The following GBP4 variants were observed in gnomAD, a reference collection of about 807,000 sequenced individuals.
GBP4 encodes guanylate-binding protein 4.
A neutral mutation model predicts 62.2 loss-of-function variants in GBP4; 69 were observed. The observed-to-expected ratio is 1.11, with a 90% CI of 0.91 to 1.36. GBP4 has a LOEUF of 1.36. Among genes scored for constraint, GBP4 ranks in the 40% most tolerant of loss-of-function variants. The pLI is 0.00. For missense variants in GBP4, 697 were observed against 759.3 expected (o/e 0.92, Z 0.96); for synonymous variants, 278 against 274.6 (o/e 1.01, Z -0.12).
intron 5 of GBP4, 61 bp downstream of exon 5, chr1:89,192,843 C>G (rs1648223712): frequency 2.0e-6 from 3 of 1,480,650 alleles, no homozygotes; most frequent in Non-Finnish European, 2.8e-6. Flanking sequence ...TGCTGAATAG[C>G]AGGTCTTAGT....
In GBP4 at chr1:89,187,162, C is replaced by T. The variant is rs149450766; in HGVS notation, c.1411-60G>A. 75 of 1,331,864 alleles carry T rather than the reference C, an allele frequency of 5.6e-5. No individual in the cohort carries two copies. In the East Asian group the frequency reaches 5.8e-4, roughly 10 times the overall value. The allele number at this position is 1,331,864 out of a possible 1,614,324, so 82.5% of individuals were successfully genotyped here. On this transcript the variant is annotated intron_variant, in intron 8 of 10. Transcript: ENST00000355754. ...CAGCAAAGGTCTCATCTTATGATGGCGAAATTATTGTTCAATAAAGTCACA... is the reference window on the plus strand; with the variant it reads ...CAGCAAAGGTCTCATCTTATGATGGTGAAATTATTGTTCAATAAAGTCACA...
rs1647981172 is a variant in GBP4, at chr1:89,184,607, C to G, written c.*647G>C. ...GCAAACTAACACAGGAACAGAAACC[C>G]AAATACCACATGTTCTCACTTATAA... On this transcript the variant is annotated 3_prime_UTR_variant, in exon 11 of 11. Coordinates refer to ENST00000355754, the MANE Select transcript of GBP4 (RefSeq NM_052941.5). 6.6e-6 allele frequency: 1 copy of G among 152,146 alleles called. No homozygotes were observed. Among genetic ancestry groups the G allele is most frequent in the Admixed American group, 6.6e-5 (1 of 15,262 alleles). The allele number at this position is 152,146 out of a possible 1,614,324, so 9.4% of individuals were successfully genotyped here. A position where few individuals can be genotyped will look rare whatever the true frequency, so the allele number is the denominator to read the frequency against.
Position 89,181,668 on chromosome 1 carries a change from A to G in GBP4, c.*3586T>C, listed in dbSNP as rs1452247819. ...TAAAATTTTGATATACAATTCCAAC[A>G]GATCACTCTCACTAGCCAATATGAG... On this transcript the variant is annotated 3_prime_UTR_variant, in exon 11 of 11. Coordinates refer to ENST00000355754, the MANE Select transcript of GBP4 (RefSeq NM_052941.5). 6.6e-6 allele frequency: 1 copy of G among 152,214 alleles called. No homozygotes were observed. Among genetic ancestry groups the G allele is most frequent in the East Asian group, 1.9e-4 (1 of 5,198 alleles). 9.4% of individuals were successfully genotyped at this position (152,214 alleles called of 1,614,324 possible).
In GBP4 at chr1:89,190,235, C is replaced by G. The variant is rs1229825161; in HGVS notation, c.1000G>C (p.Ala334Pro). The change falls in exon 7 of 11, where the codon GCC (alanine) becomes CCC (proline). Residue 334 changes from alanine (A) to proline (P), a missense_variant. Ala to Pro is a conservative substitution (Grantham distance 27). This residue lies in a region of GBP4 where 556 missense variants were observed against 562.7 expected (regional missense o/e 0.99). Transcript: ENST00000355754. ...ACAGCCGCTGGGTTCTCAAGCTGGG[C>G]CAGTGCTGTCACTGCATTCTCCAGA... ...PCLENAVTAL[A>P]QLENPAAVQR... 3 of 1,614,128 alleles carry G rather than the reference C, an allele frequency of 1.9e-6. No homozygotes were observed. The highest frequency in any genetic ancestry group is 2.5e-6 in the Non-Finnish European group (3 of 1,179,998).
chr1:89,185,103 C>T lies in GBP4; in HGVS notation c.*151G>A. On this transcript the variant is annotated 3_prime_UTR_variant, in exon 11 of 11. Transcript: ENST00000355754. ...AGTTTGTTTTTTGTGGATGTCAGGC[C>T]CTGATATTCTTTGATAATCACTTTT... The T allele has an allele frequency of 3.9e-6, 2 of 515,882 alleles. No individual in the cohort carries two copies. The highest frequency in any genetic ancestry group is 6.9e-6 in the Non-Finnish European group (2 of 291,128). The allele number at this position is 515,882 out of a possible 1,614,324, so 32.0% of individuals were successfully genotyped here.
At position 89,183,651 on chromosome 1, in the gene GBP4, G is replaced by A. The variant is rs1439840908; in HGVS notation, c.*1603C>T. The A allele has an allele frequency of 1.3e-5, 2 of 152,240 alleles. No individual in the cohort carries two copies. Among genetic ancestry groups the A allele is most frequent in the African/African-American group, 4.8e-5 (2 of 41,446 alleles). The allele number at this position is 152,240 out of a possible 1,614,324, so 9.4% of individuals were successfully genotyped here. A position where few individuals can be genotyped will look rare whatever the true frequency, so the allele number is the denominator to read the frequency against. On this transcript the variant is annotated 3_prime_UTR_variant, in exon 11 of 11. Transcript: ENST00000355754. ...CCCAGTACTTTGGGAGGCTGAAGCA[G>A]GCAGATTGCTTGAGCTCAGTAGTTC...
Position 89,198,851 on chromosome 1 carries a change from G to T in GBP4, c.-17C>A. 2 of 1,612,770 alleles carry T rather than the reference G, an allele frequency of 1.2e-6. No individual in the cohort carries two copies. The highest frequency in any genetic ancestry group is 8.5e-7 in the Non-Finnish European group (1 of 1,178,788). The stretch of plus-strand genomic sequence containing the variant: ...CTCACCCATTGCTCTGTCCTCCTGC[G>T]CCTGGATCCTCGAGAAACGGACTGT... On this transcript the variant is annotated 5_prime_UTR_variant, in exon 1 of 11. Coordinates refer to ENST00000355754, the MANE Select transcript of GBP4 (RefSeq NM_052941.5).
chr1:89,189,808 C>T (rs536820622), intron 7 of GBP4, among the ~76,000 whole-genome samples: 18 of 152,218 alleles, frequency 1.2e-4, no homozygotes, highest in Non-Finnish European at 2.5e-4. Flanking sequence ...GAGCTAATAA[C>T]GTGTGTTGTT....
Position 89,190,181 on chromosome 1 carries a change from G to A in GBP4, c.1054C>T (p.Gln352Ter). 6 of 1,614,170 alleles carry A rather than the reference G, an allele frequency of 3.7e-6. No individual in the cohort carries two copies. Among genetic ancestry groups the A allele is most frequent in the Non-Finnish European group, 4.2e-6 (5 of 1,180,020 alleles). The change falls in exon 7 of 11, where the codon CAG (glutamine) becomes TAG (stop). Residue 352 changes from glutamine to a stop codon, truncating the protein, a stop_gained. Coordinates refer to ENST00000355754, the MANE Select transcript of GBP4 (RefSeq NM_052941.5). LOFTEE classifies it high-confidence loss of function. ...GGGAGCCTCAGTTGCTGGGCCATCT[G>A]CTGGCTATAGTGGTCGGCTGCCCTC... is the stretch of plus-strand genomic sequence containing the variant. The part of the protein sequence containing the change: ...VQRAADHYSQ[Q>*]MAQQLRLPTD...
intron 2 of GBP4, among the ~76,000 whole-genome samples, chr1:89,196,223 T>C (rs999146495): frequency 1.3e-5 from 2 of 152,234 alleles, no homozygotes; most frequent in African/African-American, 4.8e-5. Context: ...GGTAGTGGCA[T>C]ACTGTCTGAG....
chr1:89,192,976 G>C lies in GBP4; in HGVS notation c.598C>G (p.Leu200Val). ...GGGTTTCCATCTAACTTTAGCTCCA[G>C]GGTAAAATCCCGAACAGTCCAAATA... Reference protein sequence around the residue: ...DFIWTVRDFTLELKLDGNPIT... With the variant: ...DFIWTVRDFTVELKLDGNPIT... The change falls in exon 5 of 11, where the codon CTG (leucine) becomes GTG (valine). Residue 200 changes from leucine to valine, a missense_variant. Coordinates refer to ENST00000355754, the MANE Select transcript of GBP4 (RefSeq NM_052941.5). 6.2e-7 allele frequency: 1 copy of C among 1,614,072 alleles called. No individual in the cohort carries two copies.
At chr1:89,195,498 C>T (rs545124829) in intron 2 of GBP4, 74 bp from the exon 3 acceptor site, 3 of 1,561,786 alleles carry the variant, frequency 1.9e-6, no homozygotes, top group African/African-American at 2.7e-5. Flanking sequence ...ACCGGTTAAA[C>T]TTGTAGGAAT....
At chr1:89,194,889 TC>T (rs1269047833) in intron 3 of GBP4, among the ~76,000 whole-genome samples, 2 of 152,212 alleles carry the variant, frequency 1.3e-5, no homozygotes, top group African/African-American at 4.8e-5. Flanking sequence ...GTTACAACTT[TC>T]TCCAACAAGC....
chr1:89,198,434 G>A (rs1648406250), intron 1 of GBP4, among the ~76,000 whole-genome samples: 1 of 151,896 alleles, frequency 6.6e-6, no homozygotes, highest in African/African-American at 2.4e-5. Flanking sequence ...TTCTAGTGGG[G>A]GACAGAAAAT....
In GBP4 at chr1:89,182,915, C is replaced by T. The variant is rs957577004; in HGVS notation, c.*2339G>A. 6.6e-6 allele frequency: 1 copy of T among 152,150 alleles called. No homozygotes were observed. Among genetic ancestry groups the T allele is most frequent in the African/African-American group, 2.4e-5 (1 of 41,408 alleles). The allele number at this position is 152,150 out of a possible 1,614,324, so 9.4% of individuals were successfully genotyped here. ...ACAATATAAAACAATATAAGAAGGT[C>T]TCTCTCTTCCCTCAATTCTAGCTGC... On this transcript the variant is annotated 3_prime_UTR_variant, in exon 11 of 11. Transcript: ENST00000355754.
At position 89,186,331 on chromosome 1, in the gene GBP4, A is replaced by G. The variant is rs1197545183; in HGVS notation, c.1707+2T>C. 1 of 1,612,252 alleles carries G rather than the reference A, an allele frequency of 6.2e-7. No individual in the cohort carries two copies. Among genetic ancestry groups the G allele is most frequent in the East Asian group, 2.2e-5 (1 of 44,862 alleles). ...GCACTGCCATTCTTCACGGAGACTC[A>G]CCTTCAGCTTGTGTTTTAGCAGCCT... On this transcript the variant is annotated splice_donor_variant, in intron 10 of 10. Coordinates refer to ENST00000355754, the MANE Select transcript of GBP4 (RefSeq NM_052941.5). LOFTEE classifies it high-confidence loss of function.
At chr1:89,186,656 A>C (rs1570372444) in intron 9 of GBP4, 130 bp from the exon 10 acceptor site, 77 of 816,538 alleles carry the variant, frequency 9.4e-5, no homozygotes, top group Middle Eastern at 3.6e-4. Context: ...GAATTATCTC[A>C]CTAGCCATGT....
intron 8 of GBP4, among the ~76,000 whole-genome samples, chr1:89,187,824 G>A (rs1246939948): frequency 1.4e-4 from 21 of 152,138 alleles, no homozygotes; most frequent in Admixed American, 1.3e-3. Context: ...TTATCCAATA[G>A]TCAAAAGATA....
Position 89,197,937 on chromosome 1 carries a change from CGA to C in GBP4, c.41-635_41-634del, listed in dbSNP as rs772972118. Among the ~76,000 whole-genome samples, 57 of 152,058 alleles carry C rather than the reference CGA, an allele frequency of 3.7e-4. 6 individuals are homozygous for C. Among genetic ancestry groups the C allele is most frequent in the Admixed American group, 9.2e-4 (14 of 15,286 alleles). On this transcript the variant is annotated intron_variant, in intron 1 of 10. Coordinates refer to ENST00000355754, the MANE Select transcript of GBP4 (RefSeq NM_052941.5). Reference sequence around the variant, plus strand: ...CAGGAGTCCTTTATTAGCCGGCGACCGAGAGACGGCTAGTGCTCAAAATTCTC... The same window carrying C: ...CAGGAGTCCTTTATTAGCCGGCGACCGAGACGGCTAGTGCTCAAAATTCTC...
Sources: gnomAD v4.1 joint callset for allele counts (sites outside exome capture counted in the v4.1 genomes callset) on GRCh38, gnomAD v4.1.1 for gene constraint, gnomAD v4.1.1 regional missense constraint, MANE v1.5 for transcripts, NCBI Gene and HGNC (gene_info 2026-07-23, HGNC 2026-07-21) for gene names.